Variants in NDRG1 observed in about 807,000 individuals in gnomAD.
NDRG1 encodes protein NDRG1.
A neutral mutation model predicts 56.9 loss-of-function variants in NDRG1; 32 were observed. That is an observed-to-expected ratio of 0.56 (90% confidence interval 0.42 to 0.76). NDRG1 has a LOEUF of 0.76. Among genes scored for constraint, NDRG1 ranks in the 30% least tolerant of loss-of-function variants. The pLI is 0.00. For synonymous variants in NDRG1, 211 were observed against 204.1 expected (o/e 1.03, Z -0.29); for missense variants, 507 against 545.7 (o/e 0.93, Z 0.71).
Position 133,261,591 on chromosome 8 carries a change from C to A in NDRG1, c.326+456G>T, listed in dbSNP as rs77116462. On this transcript the variant is annotated intron_variant, in intron 5 of 15. Transcript: ENST00000323851. Reference sequence around the variant, plus strand: ...GCCTAGCCCACAGGAAGGGCTCCATCAATGTTACTTCTCTCCCTCTCTGTT... The same window carrying A: ...GCCTAGCCCACAGGAAGGGCTCCATAAATGTTACTTCTCTCCCTCTCTGTT... Among the ~76,000 whole-genome samples, 1,078 of 152,344 alleles carry A rather than the reference C, an allele frequency of 7.1e-3. 7 individuals carry two copies. Among genetic ancestry groups the A allele is most frequent in the Non-Finnish European group, 0.013 (858 of 68,020 alleles).
intron 1 of NDRG1, among the ~76,000 whole-genome samples, chr8:133,290,890 C>CG (rs924524282): frequency 6.6e-6 from 1 of 152,154 alleles, no homozygotes; most frequent in East Asian, 1.9e-4. Context: ...GAGGTTGCCC[C>CG]GGGAGAGGCT....
rs776333713 is a variant in NDRG1, at chr8:133,262,181, G to A, written c.206-14C>T. The A allele has an allele frequency of 1.4e-5, 22 of 1,613,966 alleles. No individual in the cohort carries two copies. Among genetic ancestry groups the A allele is most frequent in the Non-Finnish European group, 1.8e-5 (21 of 1,180,014 alleles). ...AGCAGGTTTTGTCTGAAGAACAGCA[G>A]TGAGGGAGAGAAGAGAAAAAAGTAA... On this transcript the variant is annotated splice_polypyrimidine_tract_variant and intron_variant, in intron 4 of 15. Transcript: ENST00000323851.
chr8:133,254,253 T>C (rs1307394324), intron 9 of NDRG1, among the ~76,000 whole-genome samples: 1 of 152,180 alleles, frequency 6.6e-6, no homozygotes, highest in African/African-American at 2.4e-5. Context: ...TTCTCCTGAT[T>C]ACAGGGATGG....
intron 8 of NDRG1, chr8:133,254,825 G>T: frequency 1.7e-6 from 1 of 573,650 alleles, no homozygotes; most frequent in Non-Finnish European, 3.1e-6. Flanking sequence ...TATTTTCAGA[G>T]GCCCATGCAC....
intron 12 of NDRG1, 111 bp from the exon 13 acceptor site, chr8:133,246,774 G>A (rs1855707453): frequency 9.8e-7 from 1 of 1,017,080 alleles, no homozygotes; most frequent in South Asian, 1.3e-5. Flanking sequence ...TATTTCTGCT[G>A]GCAAAGAAGA....
At chr8:133,252,510 G>T (rs537382001) in intron 9 of NDRG1, among the ~76,000 whole-genome samples, 1 of 150,524 alleles carries the variant, frequency 6.6e-6, no homozygotes, top group Admixed American at 6.6e-5. Flanking sequence ...TGGAGCCTCT[G>T]TTCCCCTGGT....
At chr8:133,259,258 T>A in intron 5 of NDRG1, 28 bp from the exon 6 acceptor site, 2 of 1,611,000 alleles carry the variant, frequency 1.2e-6, no homozygotes, top group Non-Finnish European at 8.5e-7. Context: ...AAGCCATTAG[T>A]GAGCGCCCGG....
chr8:133,243,947 C>A (rs1855522929), intron 14 of NDRG1, among the ~76,000 whole-genome samples: 1 of 151,950 alleles, frequency 6.6e-6, no homozygotes. Context: ...CACATGCACA[C>A]ACACAGACGT....
In NDRG1 at chr8:133,244,401, G is replaced by C. The variant is rs1855551878; in HGVS notation, c.856-11C>G. On this transcript the variant is annotated splice_polypyrimidine_tract_variant and intron_variant, in intron 13 of 15. Transcript: ENST00000323851. ...GCCACAGTCCGCCATCTAGGAGAGAGGGAAGCTCGTTAGTGCCAAACACCA... is the reference window on the plus strand; with the variant it reads ...GCCACAGTCCGCCATCTAGGAGAGACGGAAGCTCGTTAGTGCCAAACACCA... 1.2e-6 allele frequency: 2 copies of C among 1,614,216 alleles called. No homozygotes were observed. Among genetic ancestry groups the C allele is most frequent in the Non-Finnish European group, 1.7e-6 (2 of 1,180,026 alleles).
rs1047693888 is a variant in NDRG1, at chr8:133,237,489, G to A, written c.*1389C>T. ...CCAAACTTCCTATGAGAAAATCCAC[G>A]GTGAGCCAAAATGAAAAGTACAAGG... On this transcript the variant is annotated 3_prime_UTR_variant, in exon 16 of 16. Coordinates refer to ENST00000323851, the MANE Select transcript of NDRG1 (RefSeq NM_006096.4). 6.9e-5 allele frequency: 16 copies of A among 232,876 alleles called. No homozygotes were observed. The highest frequency in any genetic ancestry group is 6.2e-4 in the Admixed American group (11 of 17,766). 14.4% of individuals were successfully genotyped at this position (232,876 alleles called of 1,614,324 possible).
chr8:133,249,332 C>G (rs1315427284), intron 10 of NDRG1: 1 of 166,062 alleles, frequency 6.0e-6, no homozygotes, highest in Non-Finnish European at 1.3e-5. Flanking sequence ...CACCCACCCT[C>G]TCTGCTATCT....
At chr8:133,242,136 T>TG in intron 14 of NDRG1, 62 bp from the exon 15 acceptor site, 3 of 1,553,438 alleles carry the variant, frequency 1.9e-6, no homozygotes, top group Admixed American at 1.7e-5. Context: ...CCCGAGGCCA[T>TG]GGGGGGCTGT....
intron 3 of NDRG1, among the ~76,000 whole-genome samples, chr8:133,273,981 G>A (rs1361131162): frequency 6.6e-6 from 1 of 152,136 alleles, no homozygotes; most frequent in African/African-American, 2.4e-5. Flanking sequence ...AGATCAGACC[G>A]TGTCCTTCCT....
chr8:133,244,325 G>C, intron 14 of NDRG1, 30 bp downstream of exon 14: 1 of 1,613,924 alleles, frequency 6.2e-7, no homozygotes, highest in South Asian at 1.1e-5. Context: ...AGCGACAGCT[G>C]TATAATGCAA....
At chr8:133,268,911 C>T (rs924114022) in intron 3 of NDRG1, among the ~76,000 whole-genome samples, 1 of 152,130 alleles carries the variant, frequency 6.6e-6, no homozygotes, top group South Asian at 2.1e-4. Flanking sequence ...CACCAACAAA[C>T]ACACGTGCAC....
chr8:133,260,560 A>AGAGTCTCTGCTTTCCCCC (rs1469368022), intron 5 of NDRG1, among the ~76,000 whole-genome samples: 2 of 152,212 alleles, frequency 1.3e-5, no homozygotes, highest in Non-Finnish European at 1.5e-5. Context: ...GGGGGAACTA[A>AGAGTCTCTGCTTTCCCCC]GAGTCTCTGC....
At chr8:133,283,006 T>C (rs1213782834) in intron 2 of NDRG1, among the ~76,000 whole-genome samples, 1 of 152,238 alleles carries the variant, frequency 6.6e-6, no homozygotes, top group Non-Finnish European at 1.5e-5. Flanking sequence ...CTCACACATT[T>C]GTAAAGAAAA....
At chr8:133,283,257 C>T (rs1432416412) in intron 2 of NDRG1, among the ~76,000 whole-genome samples, 2 of 152,220 alleles carry the variant, frequency 1.3e-5, no homozygotes, top group African/African-American at 4.8e-5. Flanking sequence ...GGCGGAGAAG[C>T]AGGCATGCAG....
At chr8:133,249,246 TGGTGGTTTCCCA>T in intron 10 of NDRG1, 1 of 237,102 alleles carries the variant, frequency 4.2e-6, no homozygotes, top group African/African-American at 2.2e-5. Flanking sequence ...TCAAACCCTG[TGGTGGTTTCCCA>T]CTGCACTCGT....
Sources: allele counts gnomAD v4.1 joint callset (sites outside exome capture counted in the v4.1 genomes callset), GRCh38; gene constraint gnomAD v4.1.1; transcripts MANE v1.5; gene names NCBI Gene and HGNC (gene_info 2026-07-23, HGNC 2026-07-21).